Variants in LGSN observed in about 807,000 individuals in gnomAD.
The protein encoded by LGSN is lengsin, lens protein with glutamine synthetase domain.
LGSN carries 21 observed loss-of-function variants against 19.5 expected under a neutral mutation model. That is an observed-to-expected ratio of 1.07 (90% CI 0.76 to 1.55). The LOEUF (loss-of-function observed/expected upper bound fraction) is 1.55. Among genes scored for constraint, LGSN ranks in the 40% most tolerant of loss-of-function variants. The pLI is 0.00. For missense variants in LGSN, 673 were observed against 608.5 expected (o/e 1.11, Z -1.12); for synonymous variants, 257 against 215.6 (o/e 1.19, Z -1.68).
At chr6:63,331,589 C>T in the LGSN span, among the ~76,000 whole-genome samples, 5 of 152,144 alleles carry the variant, frequency 3.3e-5, no homozygotes, top group African/African-American at 1.2e-4. Flanking sequence ...ACAACGGTCC[C>T]TGGACCCTGC....
At chr6:63,545,374 C>T in the LGSN span, among the ~76,000 whole-genome samples, 83 of 152,224 alleles carry the variant, frequency 5.5e-4, no homozygotes, top group African/African-American at 1.8e-3. Flanking sequence ...CTTTGGGAGG[C>T]GGAGGCAGAT....
the LGSN span, among the ~76,000 whole-genome samples, chr6:63,475,232 T>A: frequency 6.8e-6 from 1 of 146,756 alleles, no homozygotes; most frequent in Non-Finnish European, 1.5e-5. Context: ...CCCCATACCC[T>A]AACACCCCAT....
chr6:63,314,903 G>A (rs1291865531), intron 1 of LGSN, among the ~76,000 whole-genome samples: 1 of 152,142 alleles, frequency 6.6e-6, no homozygotes. Flanking sequence ...CTCTAGCAAA[G>A]CTCAGCTGGA....
the LGSN span, chr6:63,548,979 A>G: frequency 1.4e-6 from 1 of 738,000 alleles, no homozygotes; most frequent in Non-Finnish European, 2.5e-6. Flanking sequence ...AGGGACCCGC[A>G]TTTTATGACA....
the LGSN span, among the ~76,000 whole-genome samples, chr6:63,334,820 A>T: frequency 6.6e-6 from 1 of 152,132 alleles, no homozygotes; most frequent in Non-Finnish European, 1.5e-5. Context: ...CTTAACGGCC[A>T]GCTGATCTTC....
chr6:63,512,497 G>T, the LGSN span, among the ~76,000 whole-genome samples: 3 of 152,178 alleles, frequency 2.0e-5, no homozygotes, highest in Non-Finnish European at 4.4e-5. Flanking sequence ...TATCTTCCAT[G>T]CCCCACTTTT....
chr6:63,280,065 C>T lies in LGSN; in HGVS notation c.1486G>A (p.Glu496Lys). 6.2e-7 allele frequency: 1 copy of T among 1,612,064 alleles called. No individual in the cohort carries two copies. Among genetic ancestry groups the T allele is most frequent in the Non-Finnish European group, 8.5e-7 (1 of 1,179,054 alleles). Residue 496 changes from glutamate (E) to lysine (K), a missense_variant, in exon 4 of 4, where the codon GAA becomes AAA. By Grantham distance (56) the Glu-to-Lys change is moderately conservative (BLOSUM62 1). Coordinates refer to ENST00000370657, the MANE Select transcript of LGSN (RefSeq NM_016571.3). ...AMKKYELENE[E>K]IAAERNKFLE... is the part of the protein sequence containing the mutation. ...AATTTATTTCTCTCTGCAGCTATTT[C>T]TTCATTCTCCAACTCATATTTCTTC... is the stretch of plus-strand genomic sequence containing the variant.
chr6:63,294,784 T>G (rs1199854284), intron 2 of LGSN, 129 bp downstream of exon 2: 2 of 864,030 alleles, frequency 2.3e-6, no homozygotes, highest in Admixed American at 4.5e-5. Context: ...ATGACACTTA[T>G]GTAGGAATAA....
the LGSN span, chr6:63,395,102 C>G: frequency 6.5e-6 from 1 of 153,866 alleles, no homozygotes; most frequent in Admixed American, 6.5e-5. Flanking sequence ...ATTTGTCCCA[C>G]TTCATGGCTG....
the LGSN span, among the ~76,000 whole-genome samples, chr6:63,559,941 C>A: frequency 6.6e-6 from 1 of 152,020 alleles, no homozygotes. Flanking sequence ...GGTGTTTTTT[C>A]GTGACAACAG....
the LGSN span, among the ~76,000 whole-genome samples, chr6:63,552,031 G>T: frequency 1.1e-3 from 172 of 152,302 alleles, 1 homozygote; most frequent in Middle Eastern, 0.01. Flanking sequence ...ATAGCAGCAT[G>T]ATTTATAATC....
intron 1 of LGSN, among the ~76,000 whole-genome samples, chr6:63,303,916 A>G (rs1207354175): frequency 6.6e-6 from 1 of 152,242 alleles, no homozygotes; most frequent in Non-Finnish European, 1.5e-5. Context: ...CCCTTGAAGC[A>G]GATGGCATCC....
At chr6:63,555,844 C>T in the LGSN span, among the ~76,000 whole-genome samples, 7 of 151,792 alleles carry the variant, frequency 4.6e-5, no homozygotes, top group Non-Finnish European at 8.8e-5. Flanking sequence ...CAGGTGTGTA[C>T]CAGAATACCC....
At chr6:63,285,199 A>AAT (rs1767477511) in intron 3 of LGSN, among the ~76,000 whole-genome samples, 1 of 152,230 alleles carries the variant, frequency 6.6e-6, no homozygotes, top group Non-Finnish European at 1.5e-5. Context: ...TTTTCTATTT[A>AAT]ATCATTTTTT....
the LGSN span, among the ~76,000 whole-genome samples, chr6:63,536,317 C>A: frequency 6.6e-6 from 1 of 152,012 alleles, no homozygotes; most frequent in East Asian, 1.9e-4. Context: ...GCAACAAGAG[C>A]TAGATTCTGT....
At chr6:63,464,753 G>A in the LGSN span, among the ~76,000 whole-genome samples, 5 of 151,694 alleles carry the variant, frequency 3.3e-5, no homozygotes, top group African/African-American at 7.3e-5. Context: ...CTGGCCAAAC[G>A]CGGTGGCTCA....
chr6:63,370,162 A>G, the LGSN span, among the ~76,000 whole-genome samples: 19,888 of 152,208 alleles, frequency 0.13, 2,879 homozygotes, highest in African/African-American at 0.36. Flanking sequence ...TGAACTATTC[A>G]TGCCAGGTAA....
At chr6:63,512,726 T>C in the LGSN span, among the ~76,000 whole-genome samples, 1 of 152,150 alleles carries the variant, frequency 6.6e-6, no homozygotes, top group Admixed American at 6.5e-5. Context: ...ATTTTGTTAG[T>C]ATGGAAAAAG....
the LGSN span, among the ~76,000 whole-genome samples, chr6:63,557,875 A>T: frequency 1.3e-5 from 2 of 152,094 alleles, no homozygotes; most frequent in Admixed American, 6.6e-5. Flanking sequence ...TGCATTTTTT[A>T]AAATGATACT....
Sources: gnomAD v4.1 joint callset for allele counts (sites outside exome capture counted in the v4.1 genomes callset) on GRCh38, gnomAD v4.1.1 for gene constraint, MANE v1.5 for transcripts, NCBI Gene and HGNC (gene_info 2026-07-23, HGNC 2026-07-21) for gene names.